Variants in MYO3A observed in about 807,000 individuals in gnomAD.
The protein encoded by MYO3A is myosin-IIIa.
MYO3A carries 180 observed loss-of-function variants against 192.7 expected under a neutral mutation model. The ratio of observed to expected loss-of-function variants is 0.93; its 90% confidence interval spans 0.83 to 1.06. The LOEUF (loss-of-function observed/expected upper bound fraction) is 1.06. MYO3A is among the 50% of genes least tolerant of loss of function. The pLI, the probability that MYO3A is intolerant of heterozygous loss-of-function variation, is 0.00. For synonymous variants in MYO3A, 628 were observed against 645.3 expected (o/e 0.97, Z 0.41); for missense variants, 1,896 against 1,905.0 (o/e 1.00, Z 0.09).
At chr10:25,989,795 G>A (rs1431968673) in intron 4 of MYO3A, among the ~76,000 whole-genome samples, 1 of 152,100 alleles carries the variant, frequency 6.6e-6, no homozygotes, top group African/African-American at 2.4e-5. Flanking sequence ...TTCTGACTTG[G>A]GTTAGAAGAG....
intron 26 of MYO3A, among the ~76,000 whole-genome samples, chr10:26,159,371 T>C (rs1701783136): frequency 6.7e-6 from 1 of 149,688 alleles, no homozygotes; most frequent in Non-Finnish European, 1.5e-5. Flanking sequence ...TTCTTTTTTT[T>C]TTTTTTTAGA....
chr10:26,046,503 G>A (rs868252982), intron 10 of MYO3A, among the ~76,000 whole-genome samples: 1 of 152,204 alleles, frequency 6.6e-6, no homozygotes, highest in Admixed American at 6.5e-5. Context: ...TCACCCTGGA[G>A]CACATAAACG....
At chr10:26,073,128 G>A (rs1262736859) in intron 14 of MYO3A, among the ~76,000 whole-genome samples, 1 of 152,156 alleles carries the variant, frequency 6.6e-6, no homozygotes, top group East Asian at 1.9e-4. Context: ...GGAAGCTGAA[G>A]TGGAAGGATT....
At chr10:26,059,558 A>G (rs544374735) in intron 10 of MYO3A, among the ~76,000 whole-genome samples, 1 of 152,382 alleles carries the variant, frequency 6.6e-6, no homozygotes, top group Non-Finnish European at 1.5e-5. Flanking sequence ...TCCTACTTCT[A>G]CTTAAAGACC....
intron 4 of MYO3A, among the ~76,000 whole-genome samples, chr10:25,968,450 A>G (rs1011439757): frequency 1.3e-5 from 2 of 152,258 alleles, no homozygotes; most frequent in Non-Finnish European, 2.9e-5. Flanking sequence ...GTGAAAAGTC[A>G]TACCTACAGA....
At chr10:26,119,005 T>C (rs568725486) in intron 17 of MYO3A, among the ~76,000 whole-genome samples, 4 of 152,326 alleles carry the variant, frequency 2.6e-5, no homozygotes, top group African/African-American at 9.6e-5. Context: ...CTTACTGCAC[T>C]GTTCCTCCTC....
chr10:26,136,499 T>C (rs531945103), intron 20 of MYO3A, among the ~76,000 whole-genome samples: 3 of 152,298 alleles, frequency 2.0e-5, no homozygotes, highest in Non-Finnish European at 2.9e-5. Context: ...ATCACTTCAA[T>C]TGGTGACTTT....
At chr10:26,168,937 C>A in intron 28 of MYO3A, 63 bp downstream of exon 28, 2 of 1,479,264 alleles carry the variant, frequency 1.4e-6, no homozygotes, top group Non-Finnish European at 1.9e-6. Context: ...TTCTTACAGG[C>A]AAACCTCCAA....
intron 4 of MYO3A, among the ~76,000 whole-genome samples, chr10:25,989,067 A>G (rs961375946): frequency 5.3e-5 from 8 of 151,068 alleles, no homozygotes; most frequent in Non-Finnish European, 1.2e-4. Context: ...CAGCCTACCA[A>G]GTAGCTGAAC....
chr10:25,954,416 A>G (rs1463040235), intron 3 of MYO3A, among the ~76,000 whole-genome samples: 1 of 152,010 alleles, frequency 6.6e-6, no homozygotes, highest in Non-Finnish European at 1.5e-5. Flanking sequence ...TTTTTGGAAA[A>G]GTGGGAATTT....
intron 33 of MYO3A, among the ~76,000 whole-genome samples, chr10:26,201,698 A>T (rs956990214): frequency 6.6e-6 from 1 of 152,124 alleles, no homozygotes; most frequent in Non-Finnish European, 1.5e-5. Flanking sequence ...TCAAAAAAAA[A>T]AAAAAAAATC....
chr10:25,986,803 A>G (rs1839681791), intron 4 of MYO3A, among the ~76,000 whole-genome samples: 1 of 152,196 alleles, frequency 6.6e-6, no homozygotes, highest in South Asian at 2.1e-4. Flanking sequence ...CAATCTACAA[A>G]TTCAATGCAA....
chr10:26,212,292 C>T lies in MYO3A; in HGVS notation c.*329C>T, dbSNP rs888684609. ...TCTTTTTTTTTGTGACTCCTGTGGA[C>T]TCCACTGCGCCTGGGATCTCGCCAA... On this transcript the variant is annotated 3_prime_UTR_variant, in exon 35 of 35. Coordinates refer to ENST00000642920, the MANE Select transcript of MYO3A (RefSeq NM_017433.5). The T allele has an allele frequency of 3.2e-5, 13 of 409,440 alleles. No homozygotes were observed. Among genetic ancestry groups the T allele is most frequent in the Non-Finnish European group, 4.7e-5 (11 of 232,154 alleles). 25.4% of individuals were successfully genotyped at this position (409,440 alleles called of 1,614,324 possible). A position where few individuals can be genotyped will look rare whatever the true frequency, so the allele number is the denominator to read the frequency against.
At chr10:26,023,958 C>T (rs2297917) in intron 8 of MYO3A, 64 bp from the exon 9 acceptor site, 10 of 1,432,712 alleles carry the variant, frequency 7.0e-6, no homozygotes, top group Non-Finnish European at 9.8e-6. Context: ...CTATCTGGCT[C>T]TGCCTCTCAT....
chr10:26,154,103 A>G (rs1344688751), intron 24 of MYO3A, among the ~76,000 whole-genome samples, 174 bp downstream of exon 24: 1 of 152,222 alleles, frequency 6.6e-6, no homozygotes. Flanking sequence ...AGGGGCTAAA[A>G]TAATCATGCA....
chr10:26,174,638 C>A, intron 30 of MYO3A, 81 bp downstream of exon 30: 1 of 1,219,722 alleles, frequency 8.2e-7, no homozygotes, highest in Non-Finnish European at 1.2e-6. Context: ...TAATTAATAA[C>A]TGGTAGATTG....
intron 2 of MYO3A, among the ~76,000 whole-genome samples, chr10:25,949,204 A>C (rs1269151610): frequency 6.6e-6 from 1 of 152,094 alleles, no homozygotes; most frequent in Non-Finnish European, 1.5e-5. Flanking sequence ...TTGTATTTCC[A>C]AAACTCATAA....
chr10:26,174,658 C>T (rs3758447), intron 30 of MYO3A, 101 bp downstream of exon 30: 209 of 1,029,440 alleles, frequency 2.0e-4, no homozygotes, highest in East Asian at 7.8e-5. Flanking sequence ...GTTTTATCTG[C>T]GTTGATGGGC....
chr10:26,196,976 A>T (rs1843439951), intron 32 of MYO3A, among the ~76,000 whole-genome samples: 1 of 152,234 alleles, frequency 6.6e-6, no homozygotes, highest in Admixed American at 6.5e-5. Context: ...TTTGAAATAT[A>T]CAATAGAGTA....
Sources: allele counts gnomAD v4.1 joint callset (sites outside exome capture counted in the v4.1 genomes callset), GRCh38; gene constraint gnomAD v4.1.1; transcripts MANE v1.5; gene names NCBI Gene and HGNC (gene_info 2026-07-23, HGNC 2026-07-21).